The following YEATS2 variants were observed in gnomAD, a reference collection of about 807,000 sequenced individuals.
YEATS2 encodes the protein YEATS domain-containing protein 2.
In YEATS2, 77 loss-of-function variants were observed where a neutral mutation model predicts 163.2. That is an observed-to-expected ratio of 0.47 (90% CI 0.39 to 0.57). The LOEUF (loss-of-function observed/expected upper bound fraction) is 0.57, where lower values mean the gene tolerates loss of function less well. YEATS2 is among the 20% of genes least tolerant of loss of function. The pLI is 0.00. For synonymous variants in YEATS2, 631 were observed against 645.1 expected, an observed-to-expected ratio of 0.98 and a Z score of 0.33; for missense variants, 1,549 against 1,729.8, an observed-to-expected ratio of 0.90 and a Z score of 1.85.
chr3:183,796,841 CATT>C (rs1284048770), intron 21 of YEATS2, among the ~76,000 whole-genome samples: 3 of 151,950 alleles, frequency 2.0e-5, no homozygotes, highest in Admixed American at 6.6e-5. Flanking sequence ...TATCTGAAAA[CATT>C]AGTATTGATT....
chr3:183,811,081 G>T lies in YEATS2; in HGVS notation c.*498G>T, dbSNP rs535808648. On this transcript the variant is annotated 3_prime_UTR_variant, in exon 31 of 31. Coordinates refer to ENST00000305135, the MANE Select transcript of YEATS2 (RefSeq NM_018023.5). ...CCATGCCTGGCCTTGGTGTGGAGGG[G>T]CTGTACTCTGAGCCCAAGTGAGTCA... is the stretch of plus-strand genomic sequence containing the variant. The T allele has an allele frequency of 1.2e-5, 2 of 163,258 alleles. No homozygotes were observed. Among genetic ancestry groups the T allele is most frequent in the Admixed American group, 6.0e-5 (1 of 16,806 alleles). The allele number at this position is 163,258 out of a possible 1,614,324, so 10.1% of individuals were successfully genotyped here.
At chr3:183,768,633 T>C (rs1258982958) in intron 15 of YEATS2, among the ~76,000 whole-genome samples, 1 of 152,156 alleles carries the variant, frequency 6.6e-6, no homozygotes, top group Non-Finnish European at 1.5e-5. Flanking sequence ...GACCCTGCCC[T>C]GCTCTGTGGC....
At chr3:183,726,526 G>A (rs199732718) in intron 6 of YEATS2, among the ~76,000 whole-genome samples, 6 of 152,124 alleles carry the variant, frequency 3.9e-5, no homozygotes, top group Admixed American at 6.6e-5. Flanking sequence ...ACATAAAAAT[G>A]TTAAGTAAAT....
At chr3:183,699,430 G>A (rs1477732760) in intron 1 of YEATS2, among the ~76,000 whole-genome samples, 1 of 151,806 alleles carries the variant, frequency 6.6e-6, no homozygotes, top group Non-Finnish European at 1.5e-5. Flanking sequence ...AAATCTGGGA[G>A]TGGCTGGGCG....
chr3:183,785,056 G>C (rs1723931002), intron 19 of YEATS2, among the ~76,000 whole-genome samples: 1 of 151,596 alleles, frequency 6.6e-6, no homozygotes, highest in East Asian at 1.9e-4. Flanking sequence ...CTGAGCAAAA[G>C]AGCAAAACTC....
chr3:183,749,451 C>G (rs538350019), intron 9 of YEATS2, among the ~76,000 whole-genome samples: 2 of 152,214 alleles, frequency 1.3e-5, no homozygotes, highest in East Asian at 3.9e-4. Flanking sequence ...CTCCCGCCCC[C>G]CCAGCACTGG....
chr3:183,747,934 C>T (rs2109255693), intron 9 of YEATS2, among the ~76,000 whole-genome samples: 1 of 152,086 alleles, frequency 6.6e-6, no homozygotes, highest in African/African-American at 2.4e-5. Context: ...AACGCACCAC[C>T]ATGCCTGGCT....
Position 183,792,530 on chromosome 3 carries a change from A to AT in YEATS2, c.3097+1557dup, listed in dbSNP as rs1032551098. Among the ~76,000 whole-genome samples, 13 of 151,914 alleles carry AT rather than the reference A, an allele frequency of 8.6e-5. No individual in the cohort carries two copies. In the East Asian group the frequency reaches 9.7e-4, roughly 11 times the overall value. ...TATTGTATTGTACTGTATTATTATT[A>AT]TTTTTTTGATGGAGTCTTGCCCTGT... On this transcript the variant is annotated intron_variant, in intron 21 of 30. Transcript: ENST00000305135.
At chr3:183,752,011 A>C (rs1023471407) in intron 9 of YEATS2, 62 bp from the exon 10 acceptor site, 25 of 1,578,934 alleles carry the variant, frequency 1.6e-5, no homozygotes, top group Non-Finnish European at 2.2e-5. Context: ...CTTGGACGGG[A>C]CTTGAGCTTT....
chr3:183,724,345 T>A, intron 5 of YEATS2, 74 bp from the exon 6 acceptor site: 1 of 1,129,106 alleles, frequency 8.9e-7, no homozygotes, highest in Non-Finnish European at 1.3e-6. Flanking sequence ...TTTATACTTT[T>A]TACAATTTTG....
intron 6 of YEATS2, among the ~76,000 whole-genome samples, chr3:183,728,441 C>T (rs748634243): frequency 4.6e-5 from 7 of 152,208 alleles, no homozygotes; most frequent in Non-Finnish European, 2.9e-5. Context: ...GCAGTCCTCC[C>T]GTTTCAGCCT....
At chr3:183,703,997 A>T (rs1714370405) in intron 1 of YEATS2, among the ~76,000 whole-genome samples, 1 of 151,864 alleles carries the variant, frequency 6.6e-6, no homozygotes, top group South Asian at 2.1e-4. Flanking sequence ...AAAATAAAAT[A>T]AAAAATAGCC....
intron 1 of YEATS2, among the ~76,000 whole-genome samples, chr3:183,710,622 T>C (rs757483662): frequency 1.3e-5 from 2 of 152,198 alleles, no homozygotes; most frequent in Non-Finnish European, 2.9e-5. Context: ...TCTTCCTTTC[T>C]GCCCACCCCC....
rs1725851212 is a variant in YEATS2 at position 183,803,156 on chromosome 3, TAA to T, written c.3503-98_3503-97del. ...TGCCCAGTAAGGAACATACATGCGA[TAA>T]AGAGGTCTGAAGAAGTGACTGGCTT... On this transcript the variant is annotated intron_variant, in intron 25 of 30. Coordinates refer to ENST00000305135, the MANE Select transcript of YEATS2 (RefSeq NM_018023.5). 3.2e-6 allele frequency: 4 copies of T among 1,243,570 alleles called. No individual in the cohort carries two copies. In the East Asian group the frequency reaches 7.4e-5, roughly 23 times the overall value. 77.0% of individuals were successfully genotyped at this position (1,243,570 alleles called of 1,614,324 possible). A position where few individuals can be genotyped will look rare whatever the true frequency, so the allele number is the denominator to read the frequency against.
chr3:183,774,637 A>G (rs953993680), intron 17 of YEATS2, among the ~76,000 whole-genome samples: 10 of 152,238 alleles, frequency 6.6e-5, no homozygotes, highest in African/African-American at 2.2e-4. Flanking sequence ...TTGCTTTGAC[A>G]TATAGAGAAA....
intron 20 of YEATS2, among the ~76,000 whole-genome samples, chr3:183,790,563 C>A (rs767360281): frequency 2.6e-5 from 4 of 152,034 alleles, no homozygotes; most frequent in Non-Finnish European, 5.9e-5. Context: ...ATGATGACCC[C>A]CATGATACTT....
intron 27 of YEATS2, 172 bp from the exon 28 acceptor site, chr3:183,806,694 C>A: frequency 1.6e-6 from 1 of 644,314 alleles, no homozygotes; most frequent in Non-Finnish European, 2.7e-6. Flanking sequence ...TGCCTTTCTC[C>A]CTCGTGAATT....
chr3:183,725,121 C>T, intron 6 of YEATS2, among the ~76,000 whole-genome samples: 1 of 124,478 alleles, frequency 8.0e-6, no homozygotes, highest in Non-Finnish European at 1.6e-5. Flanking sequence ...TCCTATTTTT[C>T]ATTTGGATAT....
At chr3:183,793,059 A>G in intron 21 of YEATS2, 1 of 1,053,506 alleles carries the variant, frequency 9.5e-7, no homozygotes, top group Non-Finnish European at 1.3e-6. Flanking sequence ...TATAATAAAA[A>G]TGTCGCAGCA....
Sources: allele counts gnomAD v4.1 joint callset (sites outside exome capture counted in the v4.1 genomes callset), GRCh38; gene constraint gnomAD v4.1.1; transcripts MANE v1.5; gene names NCBI Gene and HGNC (gene_info 2026-07-23, HGNC 2026-07-21).